The following ROBO2 variants were observed in gnomAD, a reference collection of about 807,000 sequenced individuals.
ROBO2 encodes roundabout homolog 2.
ROBO2 carries 53 observed loss-of-function variants against 160.8 expected under a neutral mutation model. The ratio of observed to expected loss-of-function variants is 0.33; its 90% CI spans 0.26 to 0.41. The LOEUF (loss-of-function observed/expected upper bound fraction) is 0.41. ROBO2 is among the 10% of genes least tolerant of loss of function. The probability of loss-of-function intolerance (pLI) is 1.00; values close to 1 mark genes in which losing one functional copy is unlikely to be tolerated. For missense variants in ROBO2, 1,577 were observed against 1,722.4 expected, an observed-to-expected ratio of 0.92 and a Z score of 1.49; for synonymous variants, 664 against 611.7, an observed-to-expected ratio of 1.09 and a Z score of -1.26.
intron 2 of ROBO2, among the ~76,000 whole-genome samples, chr3:76,944,899 T>G (rs1334490120): frequency 6.6e-6 from 1 of 152,042 alleles, no homozygotes; most frequent in African/African-American, 2.4e-5. Context: ...TGATGGCTTT[T>G]TTTTTTTTAG....
At chr3:76,569,441 G>T (rs893372228) in intron 2 of ROBO2, among the ~76,000 whole-genome samples, 4 of 152,094 alleles carry the variant, frequency 2.6e-5, no homozygotes, top group Non-Finnish European at 1.5e-5. Flanking sequence ...GTTTGAGTCA[G>T]GCCAGGTTTT....
At chr3:76,065,066 G>A (rs974162228) in intron 2 of ROBO2, among the ~76,000 whole-genome samples, 1 of 152,006 alleles carries the variant, frequency 6.6e-6, no homozygotes, top group South Asian at 2.1e-4. Flanking sequence ...ACAACTTAAA[G>A]AAATGAAGCA....
chr3:77,048,323 C>T (rs1268295408), intron 1 of ROBO2, among the ~76,000 whole-genome samples: 1 of 151,424 alleles, frequency 6.6e-6, no homozygotes, highest in Non-Finnish European at 1.5e-5. Flanking sequence ...TCGGTGGCCT[C>T]GCCTACACAG....
At chr3:76,829,959 T>C (rs993589279) in intron 2 of ROBO2, among the ~76,000 whole-genome samples, 1 of 152,250 alleles carries the variant, frequency 6.6e-6, no homozygotes, top group Non-Finnish European at 1.5e-5. Context: ...TAAGCCACCG[T>C]ACCCAGCCTA....
chr3:76,134,753 T>C (rs112909172), intron 2 of ROBO2, among the ~76,000 whole-genome samples: 95 of 152,120 alleles, frequency 6.2e-4, no homozygotes, highest in Middle Eastern at 3.4e-3. Flanking sequence ...ATAATAAATA[T>C]CATTTATTTT....
intron 2 of ROBO2, among the ~76,000 whole-genome samples, chr3:75,980,581 A>C (rs1388316372): frequency 6.6e-6 from 1 of 151,554 alleles, no homozygotes; most frequent in Non-Finnish European, 1.5e-5. Flanking sequence ...AAATATGTCG[A>C]GTTTCTGTAG....
intron 2 of ROBO2, among the ~76,000 whole-genome samples, chr3:77,126,714 T>TATATATA (rs1560065744): frequency 2.0e-4 from 28 of 137,700 alleles, no homozygotes; most frequent in African/African-American, 8.5e-4. Flanking sequence ...ATATATATAT[T>TATATATA]TTTTTTCCTT....
At chr3:76,233,391 G>T (rs931268338) in intron 2 of ROBO2, among the ~76,000 whole-genome samples, 11 of 152,064 alleles carry the variant, frequency 7.2e-5, no homozygotes, top group Admixed American at 7.2e-4. Context: ...TGATCCGCCT[G>T]CCTCGGCCTC....
intron 2 of ROBO2, among the ~76,000 whole-genome samples, chr3:75,985,391 G>T (rs1438359729): frequency 6.6e-6 from 1 of 151,502 alleles, no homozygotes; most frequent in African/African-American, 2.4e-5. Flanking sequence ...AACCTGTAAA[G>T]CATGTTACTG....
rs576251046 is a variant in ROBO2, at chr3:76,707,268, G to C, written c.110-390746G>C. 5.3e-5 allele frequency among the ~76,000 whole-genome samples: 8 copies of C among 152,158 alleles called. No homozygotes were observed. The South Asian group carries it at 1.7e-3, about 32-fold the overall frequency. On this transcript the variant is annotated intron_variant, in intron 2 of 26. Coordinates refer to the ROBO2 transcript ENST00000487694. ...CTAATCTACAAAAATAATGTGCACT[G>C]TTTCCCTATTGCTAACAGACTAAAA...
intron 2 of ROBO2, among the ~76,000 whole-genome samples, chr3:77,459,497 C>T (rs1283739342): frequency 6.6e-6 from 1 of 152,184 alleles, no homozygotes; most frequent in Non-Finnish European, 1.5e-5. Context: ...GCAAAATGAA[C>T]TTGGTTCCTG....
intron 2 of ROBO2, among the ~76,000 whole-genome samples, chr3:77,223,755 T>C (rs891966681): frequency 2.6e-5 from 4 of 152,088 alleles, no homozygotes; most frequent in Non-Finnish European, 4.4e-5. Context: ...GTGCAGATTA[T>C]ATCAGAAAAT....
At chr3:76,193,159 C>T (rs963875106) in intron 2 of ROBO2, among the ~76,000 whole-genome samples, 2 of 152,100 alleles carry the variant, frequency 1.3e-5, no homozygotes, top group East Asian at 1.9e-4. Flanking sequence ...AGTTAAAATA[C>T]TGGTTATCTG....
intron 2 of ROBO2, among the ~76,000 whole-genome samples, chr3:76,858,991 T>A (rs997688780): frequency 2.6e-5 from 4 of 152,218 alleles, no homozygotes; most frequent in African/African-American, 7.2e-5. Flanking sequence ...TCTTTTTTAA[T>A]CATGTTCAGA....
At chr3:77,230,393 T>G (rs949170102) in intron 2 of ROBO2, among the ~76,000 whole-genome samples, 1 of 152,160 alleles carries the variant, frequency 6.6e-6, no homozygotes, top group African/African-American at 2.4e-5. Context: ...TTACATAGCT[T>G]TTTTTAAATA....
At chr3:76,245,901 A>G (rs568353341) in intron 2 of ROBO2, among the ~76,000 whole-genome samples, 1 of 152,272 alleles carries the variant, frequency 6.6e-6, no homozygotes, top group African/African-American at 2.4e-5. Flanking sequence ...TATATTCTGG[A>G]GAAGTTTTCT....
chr3:77,509,060 C>T (rs2153614198), intron 5 of ROBO2, among the ~76,000 whole-genome samples: 1 of 152,150 alleles, frequency 6.6e-6, no homozygotes, highest in South Asian at 2.1e-4. Flanking sequence ...CAGTGGTTTA[C>T]AAGTCTGGTT....
intron 2 of ROBO2, among the ~76,000 whole-genome samples, chr3:76,516,051 T>C (rs1241844127): frequency 6.6e-6 from 1 of 152,160 alleles, no homozygotes; most frequent in East Asian, 1.9e-4. Flanking sequence ...TAGTGGACCT[T>C]GGTTTATTTA....
intron 2 of ROBO2, among the ~76,000 whole-genome samples, chr3:76,674,992 G>C (rs554324995): frequency 6.6e-6 from 1 of 152,252 alleles, no homozygotes; most frequent in East Asian, 1.9e-4. Context: ...AAGCATAGTA[G>C]CTCCTTTGGA....
Sources: gnomAD v4.1 joint callset for allele counts (sites outside exome capture counted in the v4.1 genomes callset) on GRCh38, gnomAD v4.1.1 for gene constraint, MANE v1.5 for transcripts, NCBI Gene and HGNC (gene_info 2026-07-23, HGNC 2026-07-21) for gene names.